Variants in WWP2 observed in about 807,000 individuals in gnomAD.
The protein encoded by WWP2 is WW domain containing E3 ubiquitin protein ligase 2.
In WWP2, 57 loss-of-function variants were observed where a neutral mutation model predicts 121.0. That is an observed-to-expected ratio of 0.47 (90% CI 0.38 to 0.59). WWP2 has a LOEUF of 0.59. WWP2 is among the 20% of genes least tolerant of loss of function. The pLI is 0.00. For synonymous variants in WWP2, 449 were observed against 441.3 expected, an observed-to-expected ratio of 1.02 and a Z score of -0.22; for missense variants, 962 against 1,158.9, an observed-to-expected ratio of 0.83 and a Z score of 2.47.
chr16:69,799,087 A>G lies in WWP2; in HGVS notation c.219-87A>G, dbSNP rs1187558955. The G allele has an allele frequency of 6.5e-7, 1 of 1,535,138 alleles. No homozygotes were observed. The highest frequency in any genetic ancestry group is 8.8e-7 in the Non-Finnish European group (1 of 1,142,088). On this transcript the variant is annotated intron_variant, in intron 3 of 23. Transcript: ENST00000359154. The surrounding 1 kb of genome is among the most constrained non-coding windows in gnomAD (Gnocchi z 4.5). ...TGCCTGTTTTGGTTCCCCCTCCCCA[A>G]GATGTCAGCAGTTTAGTTTAAATGT...
At chr16:69,783,828 A>C (rs1192489707) in intron 1 of WWP2, among the ~76,000 whole-genome samples, 1 of 140,814 alleles carries the variant, frequency 7.1e-6, no homozygotes, top group Non-Finnish European at 1.6e-5. Context: ...GTGGTGGCAC[A>C]TCTATAGTCC....
intron 4 of WWP2, among the ~76,000 whole-genome samples, chr16:69,838,154 C>T (rs1194250887): frequency 6.6e-6 from 1 of 152,064 alleles, no homozygotes. Flanking sequence ...AGGAAGTCAA[C>T]AGGGAGATGA....
At chr16:69,862,503 G>A (rs2057440706) in intron 6 of WWP2, among the ~76,000 whole-genome samples, 1 of 151,526 alleles carries the variant, frequency 6.6e-6, no homozygotes, top group South Asian at 2.1e-4. Flanking sequence ...CAACCACCTC[G>A]GCCTTCCAAA....
At chr16:69,917,175 A>G (rs114766037) in intron 9 of WWP2, among the ~76,000 whole-genome samples, 2,594 of 152,356 alleles carry the variant, frequency 0.017, 87 homozygotes, top group African/African-American at 0.059. Flanking sequence ...TGAAAATTCT[A>G]GATATCAATC....
rs41454046 is a variant in WWP2, at chr16:69,909,062, G to A, written c.1004+212G>A. On this transcript the variant is annotated intron_variant, in intron 9 of 23. Coordinates refer to ENST00000359154, the MANE Select transcript of WWP2 (RefSeq NM_001270454.2). ...TTAGAAGATCTCTGGGAAACAAAAG[G>A]CGCATGGGAGGCCAAGATTTAGAGT... is the stretch of plus-strand genomic sequence containing the variant. The A allele has an allele frequency of 0.017, 23,361 of 1,338,014 alleles. 3,071 individuals carry two copies. The African/African-American group carries it at 0.29, about 17-fold the overall frequency. The allele number at this position is 1,338,014 out of a possible 1,614,324, so 82.9% of individuals were successfully genotyped here. A position where few individuals can be genotyped will look rare whatever the true frequency, so the allele number is the denominator to read the frequency against.
intron 1 of WWP2, among the ~76,000 whole-genome samples, chr16:69,763,132 G>C (rs1415821694): frequency 6.6e-6 from 1 of 152,224 alleles, no homozygotes; most frequent in African/African-American, 2.4e-5. Flanking sequence ...AGCTTACACT[G>C]TTGACCTAGC....
At chr16:69,796,020 CTTT>C (rs796199052) in intron 2 of WWP2, among the ~76,000 whole-genome samples, 1 of 143,410 alleles carries the variant, frequency 7.0e-6, no homozygotes. Context: ...TTTTTTCTTT[CTTT>C]TTTTTTTTGC....
chr16:69,907,392 A>G (rs1454661836), intron 8 of WWP2, among the ~76,000 whole-genome samples: 1 of 152,220 alleles, frequency 6.6e-6, no homozygotes, highest in Non-Finnish European at 1.5e-5. Context: ...GCATTGGAAC[A>G]AATTTGCATT....
At chr16:69,817,966 G>A (rs957474420) in intron 4 of WWP2, among the ~76,000 whole-genome samples, 15 of 151,650 alleles carry the variant, frequency 9.9e-5, no homozygotes, top group Non-Finnish European at 1.8e-4. Context: ...GCATGCAGTC[G>A]CTGGGTCAGA....
At chr16:69,848,552 G>T (rs1320008907) in intron 6 of WWP2, among the ~76,000 whole-genome samples, 1 of 148,998 alleles carries the variant, frequency 6.7e-6, no homozygotes, top group East Asian at 2.0e-4. Flanking sequence ...TGGGAGGATT[G>T]CTTGAGCCCA....
chr16:69,800,472 T>C (rs541679984), intron 4 of WWP2, among the ~76,000 whole-genome samples: 1 of 152,306 alleles, frequency 6.6e-6, no homozygotes, highest in South Asian at 2.1e-4. Context: ...ATACTTTTGC[T>C]TTTGGTTAGC....
In WWP2 at chr16:69,799,461, C is replaced by A; in HGVS notation, c.340+166C>A. 2.2e-6 allele frequency: 2 copies of A among 905,626 alleles called. No homozygotes were observed. The highest frequency in any genetic ancestry group is 1.6e-6 in the Non-Finnish European group (1 of 622,922). The allele number at this position is 905,626 out of a possible 1,614,324, so 56.1% of individuals were successfully genotyped here. A position where few individuals can be genotyped will look rare whatever the true frequency, so the allele number is the denominator to read the frequency against. On this transcript the variant is annotated intron_variant, in intron 4 of 23. Transcript: ENST00000359154. This position sits in a 1 kb window ranked among gnomAD's most constrained non-coding sequence, Gnocchi z 4.5. The stretch of plus-strand genomic sequence containing the variant: ...GGGAAGGCTGAGGGCTCCTCTCTGC[C>A]TCCACTACAGAGTTTAGCCCTCTTT...
intron 4 of WWP2, among the ~76,000 whole-genome samples, chr16:69,813,973 A>G (rs1193949760): frequency 6.6e-6 from 1 of 152,188 alleles, no homozygotes; most frequent in African/African-American, 2.4e-5. Flanking sequence ...TCATCAGCTA[A>G]CCCAGTGGTT....
Position 69,841,758 on chromosome 16 carries a change from T to C in WWP2, c.479-266T>C, listed in dbSNP as rs138567227. Among the ~76,000 whole-genome samples, 334 of 152,282 alleles carry C rather than the reference T, an allele frequency of 2.2e-3. 2 individuals carry two copies. Among genetic ancestry groups the C allele is most frequent in the South Asian group, 5.6e-3 (27 of 4,822 alleles). ...CATTTAATGGATAAGGCAATGTGCT[T>C]GTAAGTGCCTTGGATGTTCTTCAAT... is the stretch of plus-strand genomic sequence containing the variant. On this transcript the variant is annotated intron_variant, in intron 5 of 23. Coordinates refer to ENST00000359154, the MANE Select transcript of WWP2 (RefSeq NM_001270454.2).
chr16:69,891,732 T>C (rs1207156952), intron 8 of WWP2, among the ~76,000 whole-genome samples: 2 of 152,192 alleles, frequency 1.3e-5, no homozygotes, highest in African/African-American at 2.4e-5. Context: ...AGCCCAGTTC[T>C]CTCCTGACTC....
At chr16:69,909,099 C>G (rs1231160008) in intron 9 of WWP2, 2 of 1,222,406 alleles carry the variant, frequency 1.6e-6, no homozygotes, top group African/African-American at 3.1e-5. Context: ...TTGATGCATT[C>G]CGCCGTACCC....
chr16:69,789,105 TG>T (rs1434304648), intron 2 of WWP2, among the ~76,000 whole-genome samples: 3 of 152,218 alleles, frequency 2.0e-5, no homozygotes, highest in Admixed American at 6.5e-5. Context: ...TCGCCCAGGC[TG>T]GACTGCAGTG....
At chr16:69,777,363 C>G (rs554564063) in intron 1 of WWP2, among the ~76,000 whole-genome samples, 1 of 151,720 alleles carries the variant, frequency 6.6e-6, no homozygotes, top group Admixed American at 6.6e-5. Context: ...TGCAGTGGTG[C>G]GGTCTTGGCT....
intron 4 of WWP2, among the ~76,000 whole-genome samples, chr16:69,826,655 G>A (rs1397639121): frequency 2.0e-5 from 3 of 150,344 alleles, no homozygotes; most frequent in Admixed American, 6.6e-5. Context: ...CGAGGCGGGT[G>A]GATCACGAGG....
Sources: allele counts gnomAD v4.1 joint callset (sites outside exome capture counted in the v4.1 genomes callset), GRCh38; gene constraint gnomAD v4.1.1; non-coding constraint Gnocchi (gnomAD v3.1); transcripts MANE v1.5; gene names NCBI Gene and HGNC (gene_info 2026-07-23, HGNC 2026-07-21).